The following COLGALT2 variants were observed in gnomAD, a reference collection of about 807,000 sequenced individuals.
COLGALT2 encodes the protein procollagen galactosyltransferase 2.
COLGALT2 carries 49 observed loss-of-function variants against 73.4 expected under a neutral mutation model. The ratio of observed to expected loss-of-function variants is 0.67; its 90% CI spans 0.53 to 0.85. COLGALT2 has a LOEUF of 0.85. Ranked by LOEUF, COLGALT2 falls within the 40% of genes least tolerant of loss-of-function variation. The pLI is 0.00. For synonymous variants in COLGALT2, 295 were observed against 307.6 expected, an observed-to-expected ratio of 0.96 and a Z score of 0.43; for missense variants, 722 against 790.2, an observed-to-expected ratio of 0.91 and a Z score of 1.03.
chr1:183,959,510 A>T (rs1266214836), intron 6 of COLGALT2, among the ~76,000 whole-genome samples: 1 of 152,016 alleles, frequency 6.6e-6, no homozygotes, highest in Admixed American at 6.6e-5. Context: ...TCCTTCATGG[A>T]CTGCATTCAG....
chr1:183,977,839 A>AGAGAGAGAGAGAGAGAG (rs59696449), intron 2 of COLGALT2, among the ~76,000 whole-genome samples: 6 of 147,148 alleles, frequency 4.1e-5, no homozygotes, highest in African/African-American at 1.6e-4. Context: ...AGAGAGAAAG[A>AGAGAGAGAGAGAGAGAG]AGAGAAGAGA....
At chr1:183,954,710 C>G in intron 7 of COLGALT2, 52 bp downstream of exon 7, 1 of 1,412,622 alleles carries the variant, frequency 7.1e-7, no homozygotes, top group Non-Finnish European at 1.0e-6. Context: ...AAAATGAACA[C>G]ACAAGCCTGC....
At chr1:183,987,484 T>C (rs917932168) in intron 1 of COLGALT2, among the ~76,000 whole-genome samples, 2 of 152,238 alleles carry the variant, frequency 1.3e-5, no homozygotes, top group Non-Finnish European at 2.9e-5. Context: ...ACACCCTCTA[T>C]CTGTAATTAT....
chr1:184,014,913 A>G lies in COLGALT2; in HGVS notation c.263+22182T>C, dbSNP rs185613492. Among the ~76,000 whole-genome samples, 240 of 152,316 alleles carry G rather than the reference A, an allele frequency of 1.6e-3. 1 individual carries two copies. Among genetic ancestry groups the G allele is most frequent in the African/African-American group, 5.5e-3 (230 of 41,568 alleles). ...AAATGATGAAGTAAGTAGATCTAGAAGAGTAAATAGCAAGCTTTGCAAGGG... is the reference window on the plus strand; with the variant it reads ...AAATGATGAAGTAAGTAGATCTAGAGGAGTAAATAGCAAGCTTTGCAAGGG... On this transcript the variant is annotated intron_variant, in intron 1 of 11. Coordinates refer to ENST00000361927, the MANE Select transcript of COLGALT2 (RefSeq NM_015101.4).
intron 1 of COLGALT2, among the ~76,000 whole-genome samples, chr1:183,998,259 C>T (rs1450824934): frequency 6.6e-6 from 1 of 152,184 alleles, no homozygotes; most frequent in Non-Finnish European, 1.5e-5. Context: ...TATTACTTAT[C>T]AGGTGGTGGA....
chr1:183,942,860 C>T (rs1286851277), intron 10 of COLGALT2, among the ~76,000 whole-genome samples: 1 of 152,208 alleles, frequency 6.6e-6, no homozygotes, highest in Non-Finnish European at 1.5e-5. Context: ...GAAATGCACC[C>T]ACCGAACTAC....
At chr1:184,018,089 C>G (rs1239245715) in intron 1 of COLGALT2, among the ~76,000 whole-genome samples, 1 of 152,120 alleles carries the variant, frequency 6.6e-6, no homozygotes, top group Non-Finnish European at 1.5e-5. Flanking sequence ...ATTAAGCAGA[C>G]ACAATTGTCA....
intron 1 of COLGALT2, among the ~76,000 whole-genome samples, chr1:184,003,321 C>T (rs1455803582): frequency 6.6e-6 from 1 of 152,160 alleles, no homozygotes; most frequent in African/African-American, 2.4e-5. Context: ...GCCAAAAAGA[C>T]TCATGACTGG....
intron 1 of COLGALT2, among the ~76,000 whole-genome samples, chr1:183,994,026 C>CTTTTTTTTTTTTTTT (rs869129633): frequency 1.4e-5 from 1 of 70,028 alleles, no homozygotes; most frequent in African/African-American, 5.8e-5. Context: ...TCTTGTAATT[C>CTTTTTTTTTTTTTTT]TTTTTTTTTT....
At chr1:183,966,429 A>G (rs1181987898) in intron 5 of COLGALT2, among the ~76,000 whole-genome samples, 1 of 152,186 alleles carries the variant, frequency 6.6e-6, no homozygotes, top group Non-Finnish European at 1.5e-5. Flanking sequence ...GGTGATGAAA[A>G]ATCAGATTCA....
At chr1:184,034,423 C>T (rs1411555695) in intron 1 of COLGALT2, among the ~76,000 whole-genome samples, 3 of 152,104 alleles carry the variant, frequency 2.0e-5, no homozygotes, top group Non-Finnish European at 4.4e-5. Flanking sequence ...CATCCATATC[C>T]ATACAACTGC....
Position 183,969,289 on chromosome 1 carries a change from G to A in COLGALT2, c.812C>T (p.Ala271Val), listed in dbSNP as rs757064316. Residue 271 changes from alanine to valine, a missense_variant, in exon 5 of 12, where the codon GCC (alanine) becomes GTC (valine). Physicochemically the swap from Ala to Val is moderately conservative, Grantham distance 64. Transcript: ENST00000361927. ...TWTFDDIIVF[A>V]FSSRQAGIQM... ...AGTACCTGCTTGCCTGCTGGAGAAGGCAAAGACAATGATGTCATCAAAGGT... is the reference window on the plus strand; with the variant it reads ...AGTACCTGCTTGCCTGCTGGAGAAGACAAAGACAATGATGTCATCAAAGGT... The A allele has an allele frequency of 6.6e-5, 107 of 1,612,340 alleles. No homozygotes were observed. Among genetic ancestry groups the A allele is most frequent in the Non-Finnish European group, 9.1e-5 (107 of 1,179,264 alleles).
At chr1:183,976,473 T>C (rs1204236081) in intron 2 of COLGALT2, among the ~76,000 whole-genome samples, 1 of 151,632 alleles carries the variant, frequency 6.6e-6, no homozygotes, top group Non-Finnish European at 1.5e-5. Context: ...ATAATACAAA[T>C]TTGGCTTTCA....
At chr1:183,943,601 T>C (rs550359856) in intron 10 of COLGALT2, among the ~76,000 whole-genome samples, 1 of 152,202 alleles carries the variant, frequency 6.6e-6, no homozygotes, top group East Asian at 1.9e-4. Context: ...ATTAACTAAA[T>C]GTCAGCTCAG....
chr1:183,965,371 G>A (rs760327491), intron 5 of COLGALT2, among the ~76,000 whole-genome samples: 11 of 152,196 alleles, frequency 7.2e-5, no homozygotes, highest in Non-Finnish European at 1.5e-4. Context: ...TCAAGTGTGA[G>A]GGTACAAGGA....
At chr1:184,020,979 A>G (rs1319263729) in intron 1 of COLGALT2, among the ~76,000 whole-genome samples, 1 of 152,026 alleles carries the variant, frequency 6.6e-6, no homozygotes, top group East Asian at 1.9e-4. Flanking sequence ...CCCCAGAGCA[A>G]GCAATCCATA....
At chr1:183,974,468 C>T (rs1345842398) in intron 3 of COLGALT2, among the ~76,000 whole-genome samples, 1 of 152,208 alleles carries the variant, frequency 6.6e-6, no homozygotes, top group Admixed American at 6.5e-5. Context: ...TGTGATTTAA[C>T]ATTTGTACAC....
intron 1 of COLGALT2, among the ~76,000 whole-genome samples, chr1:184,025,832 G>A (rs1649315426): frequency 6.6e-6 from 1 of 152,152 alleles, no homozygotes; most frequent in African/African-American, 2.4e-5. Context: ...TTGGGCTGAG[G>A]GTCCAGGAAG....
chr1:183,993,598 C>A (rs141860029), intron 1 of COLGALT2, among the ~76,000 whole-genome samples: 32 of 152,276 alleles, frequency 2.1e-4, no homozygotes, highest in African/African-American at 7.7e-4. Flanking sequence ...GACCAAAGGG[C>A]AGCTCTGAAC....
Sources: allele counts gnomAD v4.1 joint callset (sites outside exome capture counted in the v4.1 genomes callset), GRCh38; gene constraint gnomAD v4.1.1; transcripts MANE v1.5; gene names NCBI Gene and HGNC (gene_info 2026-07-23, HGNC 2026-07-21).